MALT1: variants seen among roughly 807,000 people sequenced by gnomAD.
MALT1 encodes mucosa-associated lymphoid tissue lymphoma translocation protein 1.
MALT1 carries 36 observed loss-of-function variants against 85.5 expected under a neutral mutation model. The ratio of observed to expected loss-of-function variants is 0.42; its 90% CI spans 0.32 to 0.56. The LOEUF is 0.56. Among genes scored for constraint, MALT1 ranks in the 20% least tolerant of loss-of-function variants. MALT1 has a pLI of 0.10. For missense variants in MALT1, 716 were observed against 981.6 expected (o/e 0.73, Z 3.62); for synonymous variants, 359 against 361.3 (o/e 0.99, Z 0.07).
chr18:58,733,878 T>C, intron 11 of MALT1: 1 of 1,156,902 alleles, frequency 8.6e-7, no homozygotes, highest in Non-Finnish European at 1.1e-6. Context: ...AGTTATTCCC[T>C]CAGGAATTAA....
At chr18:58,740,391 G>A (rs931972235) in intron 13 of MALT1, among the ~76,000 whole-genome samples, 3 of 68,128 alleles carry the variant, frequency 4.4e-5, no homozygotes, top group East Asian at 5.0e-4. Context: ...TAACATCATC[G>A]TAGTTATTCA....
At chr18:58,743,358 AAG>A (rs2055327357) in intron 14 of MALT1, among the ~76,000 whole-genome samples, 2 of 152,228 alleles carry the variant, frequency 1.3e-5, no homozygotes, top group Admixed American at 6.5e-5. Flanking sequence ...CCTGGGCAAC[AAG>A]AGCAAAACTC....
chr18:58,733,696 C>A, intron 11 of MALT1, 122 bp downstream of exon 11: 1 of 845,446 alleles, frequency 1.2e-6, no homozygotes, highest in Non-Finnish European at 1.8e-6. Flanking sequence ...TACATTGAAA[C>A]TGGAAGAACA....
chr18:58,710,300 T>C (rs1490447026), intron 6 of MALT1, among the ~76,000 whole-genome samples: 1 of 152,236 alleles, frequency 6.6e-6, no homozygotes, highest in Non-Finnish European at 1.5e-5. Context: ...GCCATTTTGT[T>C]TAAATTATTT....
In MALT1 at chr18:58,710,927, C is replaced by T. The variant is rs2144391492; in HGVS notation, c.932C>T (p.Thr311Ile). The change falls in exon 7 of 17, where the codon ACA becomes ATA. Residue 311 changes from threonine to isoleucine, a missense_variant. By Grantham distance (89) the Thr-to-Ile change is moderately conservative. Around this residue, in one of 4 missense-constraint regions of MALT1, gnomAD observed 290 missense variants for 380.5 expected, o/e 0.76. Coordinates refer to ENST00000649217, the MANE Select transcript of MALT1 (RefSeq NM_006785.4). ...SKKVEIIIGR[T>I]DEAVECTEDE... ...TTGTTTTTTCTGAAACAAGGAAGAA[C>T]AGATGAGGCAGTGGAGTGCACTGAA... The T allele has an allele frequency of 6.3e-7, 1 of 1,581,982 alleles. No homozygotes were observed. Among genetic ancestry groups the T allele is most frequent in the Non-Finnish European group, 8.6e-7 (1 of 1,167,332 alleles).
At chr18:58,738,672 T>C (rs1194008860) in intron 13 of MALT1, among the ~76,000 whole-genome samples, 4 of 152,218 alleles carry the variant, frequency 2.6e-5, no homozygotes, top group Admixed American at 2.6e-4. Flanking sequence ...AGTCAGACTT[T>C]TTTATTTTTG....
intron 10 of MALT1, among the ~76,000 whole-genome samples, chr18:58,723,765 G>A (rs1450443307): frequency 2.0e-5 from 3 of 152,168 alleles, no homozygotes; most frequent in African/African-American, 4.8e-5. Flanking sequence ...GTAAATTAAA[G>A]TTCTATACAG....
In MALT1 at chr18:58,723,319, GA is replaced by G. The variant is rs2055009978; in HGVS notation, c.1222+70del. ...CTTTTCATTATACAAGTTAGGTTAAGAATTGAAAATCAGATAAAGATAAGGT... is the reference window on the plus strand; with the variant it reads ...CTTTTCATTATACAAGTTAGGTTAAGATTGAAAATCAGATAAAGATAAGGT... On this transcript the variant is annotated intron_variant, in intron 10 of 16. Transcript: ENST00000649217. The G allele has an allele frequency of 6.4e-5, 81 of 1,261,840 alleles. 1 individual carries two copies. In the South Asian group the frequency reaches 1.1e-3, roughly 17 times the overall value. 78.2% of individuals were successfully genotyped at this position (1,261,840 alleles called of 1,614,324 possible).
chr18:58,696,542 T>C (rs1222477849), intron 3 of MALT1, 55 bp downstream of exon 3: 1 of 1,362,490 alleles, frequency 7.3e-7, no homozygotes, highest in African/African-American at 1.5e-5. Context: ...TGATAGAGAA[T>C]TAATTAACAT....
chr18:58,716,653 A>G (rs1040382376), intron 9 of MALT1, among the ~76,000 whole-genome samples: 2 of 152,242 alleles, frequency 1.3e-5, no homozygotes, highest in African/African-American at 4.8e-5. Context: ...CAATGTATAA[A>G]ATAGTGGAAA....
intron 4 of MALT1, among the ~76,000 whole-genome samples, chr18:58,703,999 T>C (rs2054710707): frequency 6.6e-6 from 1 of 152,238 alleles, no homozygotes; most frequent in South Asian, 2.1e-4. Context: ...TGTTGTTCAG[T>C]GTATCATTAG....
chr18:58,754,448 A>C lies in MALT1; in HGVS notation c.*6606A>C, dbSNP rs2055485510. ...TGCTAGGGAAATTGTTAATATTTTA[A>C]AAATATTTTCCTAAGCTTTAGCTTT... On this transcript the variant is annotated 3_prime_UTR_variant, in exon 17 of 17. Transcript: ENST00000649217. 6.6e-6 allele frequency: 1 copy of C among 152,206 alleles called. No individual in the cohort carries two copies. The highest frequency in any genetic ancestry group is 2.1e-4 in the South Asian group (1 of 4,826). 9.4% of individuals were successfully genotyped at this position (152,206 alleles called of 1,614,324 possible).
At chr18:58,741,144 G>C (rs2055295935) in intron 13 of MALT1, among the ~76,000 whole-genome samples, 1 of 152,002 alleles carries the variant, frequency 6.6e-6, no homozygotes. Context: ...ATGTCATTCT[G>C]CTTTGCTGTA....
At position 58,754,259 on chromosome 18, in the gene MALT1, T is replaced by A. The variant is rs1437982229; in HGVS notation, c.*6417T>A. The A allele has an allele frequency of 1.3e-5, 2 of 152,180 alleles. No homozygotes were observed. Among genetic ancestry groups the A allele is most frequent in the African/African-American group, 4.8e-5 (2 of 41,432 alleles). 9.4% of individuals were successfully genotyped at this position (152,180 alleles called of 1,614,324 possible). On this transcript the variant is annotated 3_prime_UTR_variant, in exon 17 of 17. Coordinates refer to ENST00000649217, the MANE Select transcript of MALT1 (RefSeq NM_006785.4). ...GTAACGGGAAAAGTACACAACAGTG[T>A]CTTAATATTTCATTCTTCCATGAAA...
At chr18:58,677,139 T>G (rs557623023) in intron 1 of MALT1, among the ~76,000 whole-genome samples, 1 of 152,300 alleles carries the variant, frequency 6.6e-6, no homozygotes, top group South Asian at 2.1e-4. Flanking sequence ...AAGTTAGGTA[T>G]GTATAAGCAT....
intron 9 of MALT1, among the ~76,000 whole-genome samples, chr18:58,716,617 T>A (rs2054903734): frequency 1.3e-5 from 2 of 152,264 alleles, no homozygotes; most frequent in South Asian, 4.1e-4. Context: ...AGTTACTGAG[T>A]TATGCTGGGA....
chr18:58,698,968 G>A (rs569547833), intron 3 of MALT1, among the ~76,000 whole-genome samples: 4 of 152,288 alleles, frequency 2.6e-5, no homozygotes, highest in East Asian at 1.9e-4. Flanking sequence ...GCTGCCCCAC[G>A]AGGGAATTTA....
chr18:58,729,357 C>CA lies in MALT1; in HGVS notation c.1223-4040_1223-4039insA, dbSNP rs577737164. On this transcript the variant is annotated intron_variant, in intron 10 of 16. Transcript: ENST00000649217. The stretch of plus-strand genomic sequence containing the variant: ...ATACAAAATTGGCTGGGCATGGTGG[C>CA]GTATGCCTGTAATCCCAGCTACCCG... 7.1e-3 allele frequency among the ~76,000 whole-genome samples: 1,086 copies of CA among 151,956 alleles called. 14 individuals are homozygous for CA. Among genetic ancestry groups the CA allele is most frequent in the African/African-American group, 0.025 (1,034 of 41,428 alleles).
chr18:58,736,014 A>T (rs2055216695), intron 13 of MALT1, among the ~76,000 whole-genome samples: 1 of 152,178 alleles, frequency 6.6e-6, no homozygotes, highest in African/African-American at 2.4e-5. Flanking sequence ...TTGGCCAGGT[A>T]TGGTGGCTCA....
Sources: gnomAD v4.1 joint callset for allele counts (sites outside exome capture counted in the v4.1 genomes callset) on GRCh38, gnomAD v4.1.1 for gene constraint, gnomAD v4.1.1 regional missense constraint, MANE v1.5 for transcripts, NCBI Gene and HGNC (gene_info 2026-07-23, HGNC 2026-07-21) for gene names.